The following NEDD4L variants were observed in gnomAD, a reference collection of about 807,000 sequenced individuals.
NEDD4L encodes E3 ubiquitin-protein ligase NEDD4-like.
Under a neutral mutation model 148.9 loss-of-function variants are expected in NEDD4L, and 54 were observed. The observed-to-expected ratio is 0.36, with a 90% CI of 0.29 to 0.45. The LOEUF (loss-of-function observed/expected upper bound fraction) is 0.45, where lower values mean the gene tolerates loss of function less well. NEDD4L is among the 20% of genes least tolerant of loss of function. NEDD4L has a pLI of 1.00. For missense variants in NEDD4L, 856 were observed against 1,233.8 expected, an observed-to-expected ratio of 0.69 and a Z score of 4.59; for synonymous variants, 433 against 440.7, an observed-to-expected ratio of 0.98 and a Z score of 0.22.
chr18:58,167,922 A>G (rs1342898645), intron 2 of NEDD4L, among the ~76,000 whole-genome samples: 1 of 139,754 alleles, frequency 7.2e-6, no homozygotes, highest in African/African-American at 2.8e-5. Flanking sequence ...CCCTCCCATT[A>G]AAAAAAAAAA....
chr18:58,176,838 G>A (rs565371836), intron 2 of NEDD4L, among the ~76,000 whole-genome samples: 1 of 152,350 alleles, frequency 6.6e-6, no homozygotes, highest in East Asian at 1.9e-4. Context: ...CTAGAATGAT[G>A]CTGGGGTCAC....
intron 2 of NEDD4L, among the ~76,000 whole-genome samples, chr18:58,217,963 A>G (rs1199972488): frequency 2.0e-5 from 3 of 152,244 alleles, no homozygotes; most frequent in Non-Finnish European, 4.4e-5. Context: ...GGATAAATTC[A>G]TGATGACTTT....
At chr18:58,352,614 A>G (rs369491667) in intron 18 of NEDD4L, among the ~76,000 whole-genome samples, 14 of 152,326 alleles carry the variant, frequency 9.2e-5, no homozygotes, top group African/African-American at 2.9e-4. Context: ...AGACAAGATC[A>G]TACCACTGCA....
At chr18:58,257,413 C>A (rs1331145046) in intron 5 of NEDD4L, among the ~76,000 whole-genome samples, 1 of 151,988 alleles carries the variant, frequency 6.6e-6, no homozygotes, top group Non-Finnish European at 1.5e-5. Flanking sequence ...TACTATCCCA[C>A]AAGTGACACT....
At chr18:58,238,589 G>C (rs898033999) in intron 2 of NEDD4L, among the ~76,000 whole-genome samples, 21 of 152,156 alleles carry the variant, frequency 1.4e-4, no homozygotes, top group African/African-American at 5.1e-4. Context: ...TTATTTAATT[G>C]CTTCCCAATT....
At chr18:58,110,046 TGGGCTGCCCTA>T (rs58932313) in intron 1 of NEDD4L, among the ~76,000 whole-genome samples, 42,475 of 151,870 alleles carry the variant, frequency 0.28, 6,614 homozygotes, top group African/African-American at 0.41. Flanking sequence ...GTTCTGAACT[TGGGCTGCCCTA>T]GGGCTGCCCT....
chr18:58,132,719 T>C (rs1323876271), intron 1 of NEDD4L, among the ~76,000 whole-genome samples: 1 of 152,248 alleles, frequency 6.6e-6, no homozygotes, highest in Non-Finnish European at 1.5e-5. Flanking sequence ...GCCTTGGACC[T>C]GCTGAGGACT....
intron 2 of NEDD4L, among the ~76,000 whole-genome samples, chr18:58,231,766 G>C (rs1056485387): frequency 6.6e-6 from 1 of 152,054 alleles, no homozygotes; most frequent in Non-Finnish European, 1.5e-5. Flanking sequence ...GCTTCACCAT[G>C]TTGGCCAGGC....
intron 1 of NEDD4L, among the ~76,000 whole-genome samples, chr18:58,126,602 G>T (rs1200178351): frequency 6.6e-6 from 1 of 152,162 alleles, no homozygotes; most frequent in East Asian, 1.9e-4. Flanking sequence ...ACACTTGTGT[G>T]CAGGTTTTTG....
intron 5 of NEDD4L, among the ~76,000 whole-genome samples, chr18:58,304,313 C>CT: frequency 6.9e-6 from 1 of 145,508 alleles, no homozygotes; most frequent in Middle Eastern, 3.6e-3. Flanking sequence ...AAGCCCAGGA[C>CT]TTTGAGACCA....
intron 9 of NEDD4L, among the ~76,000 whole-genome samples, chr18:58,328,486 T>C (rs1000150160): frequency 6.6e-6 from 1 of 152,174 alleles, no homozygotes; most frequent in East Asian, 1.9e-4. Flanking sequence ...CTGAAAAAAA[T>C]TCATGTTGGA....
At chr18:58,048,421 T>C (rs1444548659) in intron 1 of NEDD4L, among the ~76,000 whole-genome samples, 3 of 152,152 alleles carry the variant, frequency 2.0e-5, no homozygotes. Flanking sequence ...TTAGTTCTCA[T>C]GAGAACTGTG....
At chr18:58,229,405 G>T (rs180726439) in intron 2 of NEDD4L, among the ~76,000 whole-genome samples, 1 of 152,168 alleles carries the variant, frequency 6.6e-6, no homozygotes, top group African/African-American at 2.4e-5. Context: ...CAAAGTCCCT[G>T]TGCACTCTCA....
chr18:58,316,024 C>A lies in NEDD4L; in HGVS notation c.340C>A (p.His114Asn). The change falls in exon 6 of 31, where the codon CAC becomes AAC. Residue 114 changes from histidine (H) to asparagine (N), a missense_variant. By Grantham distance (68) the His-to-Asn change is moderately conservative. This residue lies in a region of NEDD4L where 193 missense variants were observed against 244.2 expected (regional missense o/e 0.79). Transcript: ENST00000400345. ...GGGCCAGGTGGACGTGCCCCTTAGTCACCTTCCGGTAAGGACAGTCTCATG... is the reference window on the plus strand; with the variant it reads ...GGGCCAGGTGGACGTGCCCCTTAGTAACCTTCCGGTAAGGACAGTCTCATG... ...FLGQVDVPLS[H>N]LPTEDPTMER... 1.9e-6 allele frequency: 3 copies of A among 1,613,170 alleles called. No individual in the cohort carries two copies. Among genetic ancestry groups the A allele is most frequent in the Non-Finnish European group, 2.5e-6 (3 of 1,179,114 alleles).
At chr18:58,162,590 A>G (rs929639097) in intron 1 of NEDD4L, among the ~76,000 whole-genome samples, 2 of 150,220 alleles carry the variant, frequency 1.3e-5, no homozygotes, top group South Asian at 2.2e-4. Flanking sequence ...ATTATCTTGC[A>G]TTATGTATTT....
chr18:58,048,743 T>G (rs1025534088), intron 1 of NEDD4L, among the ~76,000 whole-genome samples: 2 of 152,142 alleles, frequency 1.3e-5, no homozygotes, highest in African/African-American at 4.8e-5. Flanking sequence ...ATGAAAATGG[T>G]AAAAATCTGG....
chr18:58,243,635 C>T (rs2046908088), intron 2 of NEDD4L, among the ~76,000 whole-genome samples: 1 of 152,148 alleles, frequency 6.6e-6, no homozygotes, highest in Non-Finnish European at 1.5e-5. Flanking sequence ...ATCTGCCAGC[C>T]CATGGGCACC....
intron 6 of NEDD4L, among the ~76,000 whole-genome samples, chr18:58,317,077 G>A (rs529509928): frequency 5.3e-5 from 8 of 152,380 alleles, no homozygotes; most frequent in African/African-American, 1.9e-4. Flanking sequence ...GAAGGTGATA[G>A]CAAGTAATTT....
intron 1 of NEDD4L, among the ~76,000 whole-genome samples, chr18:58,079,576 T>C (rs1166475820): frequency 6.6e-6 from 1 of 152,216 alleles, no homozygotes; most frequent in Non-Finnish European, 1.5e-5. Flanking sequence ...GTGGCAGACC[T>C]CGATGGGATG....
Sources: allele counts gnomAD v4.1 joint callset (sites outside exome capture counted in the v4.1 genomes callset), GRCh38; gene constraint gnomAD v4.1.1; regional missense constraint gnomAD v4.1.1; transcripts MANE v1.5; gene names NCBI Gene and HGNC (gene_info 2026-07-23, HGNC 2026-07-21).